The following TAF5L variants were observed in gnomAD, a reference collection of about 807,000 sequenced individuals.
The protein encoded by TAF5L is TATA-box binding protein associated factor 5 like, also known as TAF5-like RNA polymerase II p300/CBP-associated factor-associated factor 65 kDa subunit 5L.
TAF5L carries 7 observed loss-of-function variants against 51.3 expected under a neutral mutation model. The ratio of observed to expected loss-of-function variants is 0.14; its 90% CI spans 0.08 to 0.26. The LOEUF is 0.26. Ranked by LOEUF, TAF5L falls within the 10% of genes least tolerant of loss-of-function variation. The pLI is 1.00. For synonymous variants in TAF5L, 291 were observed against 308.1 expected (o/e 0.94, Z 0.58); for missense variants, 575 against 758.9 (o/e 0.76, Z 2.85).
intron 1 of TAF5L, among the ~76,000 whole-genome samples, chr1:229,621,847 T>C (rs924905271): frequency 2.9e-4 from 44 of 152,336 alleles, no homozygotes; most frequent in African/African-American, 1.1e-3. Flanking sequence ...GTGTCTGTGA[T>C]GAATTAAGCC....
At chr1:229,596,695 T>TA (rs1664140320) in intron 4 of TAF5L, among the ~76,000 whole-genome samples, 1 of 152,330 alleles carries the variant, frequency 6.6e-6, no homozygotes, top group Non-Finnish European at 1.5e-5. Flanking sequence ...CATTTCCCTT[T>TA]ATTCCCACAT....
intron 4 of TAF5L, among the ~76,000 whole-genome samples, chr1:229,596,460 G>C (rs1464714506): frequency 2.0e-5 from 3 of 152,166 alleles, no homozygotes. Context: ...AAATAAGAAT[G>C]AAGTTTTTAA....
intron 4 of TAF5L, among the ~76,000 whole-genome samples, chr1:229,596,995 C>T (rs1244966935): frequency 6.6e-6 from 1 of 152,120 alleles, no homozygotes; most frequent in African/African-American, 2.4e-5. Flanking sequence ...AATGGCTATT[C>T]CAAACACTCA....
intron 4 of TAF5L, among the ~76,000 whole-genome samples, chr1:229,595,752 G>A (rs1239586246): frequency 1.3e-5 from 2 of 150,888 alleles, no homozygotes; most frequent in African/African-American, 2.4e-5. Flanking sequence ...CACAACCTCC[G>A]ACTCCTGGGG....
intron 4 of TAF5L, among the ~76,000 whole-genome samples, chr1:229,598,239 T>C (rs1664204028): frequency 6.6e-6 from 1 of 152,196 alleles, no homozygotes; most frequent in Non-Finnish European, 1.5e-5. Flanking sequence ...TTTATATTGC[T>C]TACATGCTGA....
intron 3 of TAF5L, among the ~76,000 whole-genome samples, chr1:229,605,527 G>C (rs982203056): frequency 2.0e-5 from 3 of 152,092 alleles, no homozygotes; most frequent in African/African-American, 4.8e-5. Context: ...GGACTTGTGA[G>C]GTTACTTTTA....
intron 4 of TAF5L, chr1:229,601,903 GTCAATA>G: frequency 2.6e-6 from 3 of 1,164,388 alleles, no homozygotes; most frequent in Non-Finnish European, 3.2e-6. Context: ...CTCAGCTAAA[GTCAATA>G]TTAGCTAAAG....
At chr1:229,617,423 T>C (rs1160696193) in intron 1 of TAF5L, among the ~76,000 whole-genome samples, 2 of 152,222 alleles carry the variant, frequency 1.3e-5, no homozygotes, top group African/African-American at 4.8e-5. Flanking sequence ...TCTCCTACTC[T>C]GCGGGCTTTC....
chr1:229,612,046 C>T (rs1250937466), intron 2 of TAF5L, among the ~76,000 whole-genome samples: 1 of 152,202 alleles, frequency 6.6e-6, no homozygotes, highest in African/African-American at 2.4e-5. Context: ...TGCCTCACTT[C>T]CCAATTAGAA....
At chr1:229,616,161 A>T (rs1210776307) in intron 1 of TAF5L, among the ~76,000 whole-genome samples, 1 of 151,864 alleles carries the variant, frequency 6.6e-6, no homozygotes, top group Non-Finnish European at 1.5e-5. Context: ...TTACAGGCCC[A>T]CGCTACCACA....
Position 229,602,049 on chromosome 1 carries a change from GGCT to G in TAF5L, c.972+143_972+145del. 2 of 1,479,888 alleles carry G rather than the reference GGCT, an allele frequency of 1.4e-6. No individual in the cohort carries two copies. The highest frequency in any genetic ancestry group is 2.9e-5 in the South Asian group (2 of 69,608). 91.7% of individuals were successfully genotyped at this position (1,479,888 alleles called of 1,614,324 possible). On this transcript the variant is annotated intron_variant, in intron 4 of 4. Transcript: ENST00000258281. This position sits in a 1 kb window ranked among gnomAD's most constrained non-coding sequence, Gnocchi z 4.6. ...GGTTAGGCATGTGCAGGAATTCAAT[GGCT>G]ACAGGTAACATGTCATTAGTCTGGC...
At chr1:229,610,895 C>T (rs760053662) in intron 2 of TAF5L, among the ~76,000 whole-genome samples, 5 of 152,120 alleles carry the variant, frequency 3.3e-5, no homozygotes, top group Admixed American at 1.3e-4. Flanking sequence ...CCCCTAAACA[C>T]GCTATGCTTT....
chr1:229,617,086 TG>T (rs537512026), intron 1 of TAF5L, among the ~76,000 whole-genome samples: 1 of 152,208 alleles, frequency 6.6e-6, no homozygotes. Context: ...TTAATTAAGC[TG>T]TTTTTTTAAA....
exon 5 of TAF5L, chr1:229,593,967 A>G: frequency 4.0e-6 from 1 of 250,542 alleles, no homozygotes; most frequent in Non-Finnish European, 7.8e-6. Flanking sequence ...CCCTCTAACC[A>G]AACCTAGCCC....
intron 1 of TAF5L, among the ~76,000 whole-genome samples, chr1:229,622,049 CTA>C (rs1423033052): frequency 2.9e-4 from 43 of 147,984 alleles, no homozygotes; most frequent in African/African-American, 1.1e-3. Context: ...ATCTATCTAT[CTA>C]TCTATCTATC....
chr1:229,607,199 C>T, intron 3 of TAF5L: 1 of 985,390 alleles, frequency 1.0e-6, no homozygotes, highest in African/African-American at 1.7e-5. Context: ...TCCTCCTTTA[C>T]TCCTGAGCCT....
intron 1 of TAF5L, 46 bp from the exon 2 acceptor site, chr1:229,614,531 G>C (rs1246564794): frequency 6.2e-7 from 1 of 1,603,412 alleles, no homozygotes; most frequent in East Asian, 2.2e-5. Context: ...AGGGGCCTGG[G>C]AGAGCAACCT....
intron 3 of TAF5L, chr1:229,607,204 G>A: frequency 3.0e-6 from 3 of 985,298 alleles, no homozygotes; most frequent in Non-Finnish European, 3.6e-6. Flanking sequence ...CTTTACTCCT[G>A]AGCCTTGGAG....
Position 229,594,380 on chromosome 1 carries a change from T to C in TAF5L, c.1687A>G (p.Met563Val), listed in dbSNP as rs1333196152. Residue 563 changes from methionine to valine, a missense_variant, in exon 5 of 5, where the codon ATG becomes GTG. Met to Val is a conservative substitution (Grantham distance 21). Coordinates refer to ENST00000258281, the Ensembl canonical transcript of TAF5L. This position sits in a 1 kb window ranked among gnomAD's most constrained non-coding sequence, Gnocchi z 7.9. ...AACTGCACGCTCAGGACGTTGCTCA[T>C]CTGCCCGGTGTACACGCCCACGAGC... 1 of 1,614,178 alleles carries C rather than the reference T, an allele frequency of 6.2e-7. No individual in the cohort carries two copies. Among genetic ancestry groups the C allele is most frequent in the Admixed American group, 1.7e-5 (1 of 60,028 alleles).
Sources: allele counts gnomAD v4.1 joint callset (sites outside exome capture counted in the v4.1 genomes callset), GRCh38; gene constraint gnomAD v4.1.1; non-coding constraint Gnocchi (gnomAD v3.1); transcripts MANE v1.5; gene names NCBI Gene and HGNC (gene_info 2026-07-23, HGNC 2026-07-21).